TENM3: variants seen among roughly 807,000 people sequenced by gnomAD.
TENM3 encodes teneurin-3.
Under a neutral mutation model 255.1 loss-of-function variants are expected in TENM3, and 63 were observed. That is an observed-to-expected ratio of 0.25 (90% CI 0.20 to 0.30). TENM3 has a LOEUF of 0.30. Ranked by LOEUF, TENM3 falls within the 10% of genes least tolerant of loss-of-function variation. The pLI is 1.00. For missense variants in TENM3, 2,929 were observed against 3,461.1 expected, an observed-to-expected ratio of 0.85 and a Z score of 3.86; for synonymous variants, 1,306 against 1,322.3, an observed-to-expected ratio of 0.99 and a Z score of 0.27.
At chr4:182,553,302 T>C (rs1177202811) in intron 3 of TENM3, among the ~76,000 whole-genome samples, 2 of 146,516 alleles carry the variant, frequency 1.4e-5, no homozygotes, top group African/African-American at 5.1e-5. Flanking sequence ...AATTGAAATG[T>C]TCTCACTCAT....
chr4:181,513,450 A>C, the TENM3 span, among the ~76,000 whole-genome samples: 1 of 152,196 alleles, frequency 6.6e-6, no homozygotes, highest in Non-Finnish European at 1.5e-5. Context: ...CTCAGGGTTT[A>C]GCTCCATTTC....
the TENM3 span, among the ~76,000 whole-genome samples, chr4:181,620,024 G>T: frequency 6.6e-6 from 1 of 152,046 alleles, no homozygotes; most frequent in African/African-American, 2.4e-5. Flanking sequence ...ACTTTGGGAG[G>T]CCGAGGCAGG....
chr4:181,666,293 T>A, the TENM3 span, among the ~76,000 whole-genome samples: 1 of 152,282 alleles, frequency 6.6e-6, no homozygotes, highest in South Asian at 2.1e-4. Context: ...TCCAAATACA[T>A]ATGCAGTAAA....
intron 12 of TENM3, among the ~76,000 whole-genome samples, chr4:182,710,884 G>C (rs574261564): frequency 4.0e-4 from 61 of 152,282 alleles, no homozygotes; most frequent in Middle Eastern, 3.4e-3. Context: ...TGAAACAAGT[G>C]GACAGGGGCA....
At chr4:182,402,552 G>A (rs1702760359) in intron 3 of TENM3, among the ~76,000 whole-genome samples, 1 of 152,082 alleles carries the variant, frequency 6.6e-6, no homozygotes, top group South Asian at 2.1e-4. Flanking sequence ...AATCAAAGTG[G>A]ACATAATGAA....
chr4:182,269,945 G>A (rs1057266516), intron 1 of TENM3, among the ~76,000 whole-genome samples: 1 of 152,128 alleles, frequency 6.6e-6, no homozygotes, highest in African/African-American at 2.4e-5. Flanking sequence ...CACTGGTTTA[G>A]CCCAGAAAGT....
chr4:181,976,389 G>A, the TENM3 span: 6 of 152,302 alleles, frequency 3.9e-5, no homozygotes, highest in African/African-American at 1.4e-4. Context: ...AAAGTGCTGG[G>A]GTTATGGGCA....
intron 1 of TENM3, among the ~76,000 whole-genome samples, chr4:182,287,399 G>A (rs982931244): frequency 6.6e-6 from 1 of 152,138 alleles, no homozygotes; most frequent in African/African-American, 2.4e-5. Context: ...CAGAGAATGT[G>A]CATCTGCAGT....
At chr4:182,402,006 A>G (rs958563451) in intron 3 of TENM3, among the ~76,000 whole-genome samples, 11 of 152,184 alleles carry the variant, frequency 7.2e-5, no homozygotes, top group African/African-American at 2.4e-4. Flanking sequence ...CAGAATTTAC[A>G]AGTATCGACT....
Position 182,802,666 on chromosome 4 carries a change from T to C in TENM3, c.*2315T>C, listed in dbSNP as rs1383165448. On this transcript the variant is annotated 3_prime_UTR_variant, in exon 28 of 28. Coordinates refer to ENST00000511685, the MANE Select transcript of TENM3 (RefSeq NM_001080477.4). The stretch of plus-strand genomic sequence containing the variant: ...GATGAAGTCAAATCAACCCAATTAG[T>C]GTCCTGTTAGTAGGTATAATGAGCC... 1 of 152,558 alleles carries C rather than the reference T, an allele frequency of 6.6e-6. No homozygotes were observed. The highest frequency in any genetic ancestry group is 1.5e-5 in the Non-Finnish European group (1 of 68,042). The allele number at this position is 152,558 out of a possible 1,614,324, so 9.5% of individuals were successfully genotyped here. A position where few individuals can be genotyped will look rare whatever the true frequency, so the allele number is the denominator to read the frequency against.
the TENM3 span, among the ~76,000 whole-genome samples, chr4:182,130,349 A>G: frequency 6.6e-6 from 1 of 152,214 alleles, no homozygotes; most frequent in Non-Finnish European, 1.5e-5. Context: ...GAAAACTCAT[A>G]GCAGATCAAT....
In TENM3 at chr4:182,802,943, A is replaced by T. The variant is rs1767069523; in HGVS notation, c.*2592A>T. The T allele has an allele frequency of 2.0e-5, 3 of 152,662 alleles. No individual in the cohort carries two copies. Among genetic ancestry groups the T allele is most frequent in the Admixed American group, 1.3e-4 (2 of 15,284 alleles). 9.5% of individuals were successfully genotyped at this position (152,662 alleles called of 1,614,324 possible). A position where few individuals can be genotyped will look rare whatever the true frequency, so the allele number is the denominator to read the frequency against. On this transcript the variant is annotated 3_prime_UTR_variant, in exon 28 of 28. Coordinates refer to ENST00000511685, the MANE Select transcript of TENM3 (RefSeq NM_001080477.4). ...ATTGTTCTTTTCATTTGCCTTCTTA[A>T]CTTTATATGTGACCTGAATTTTCCA...
At chr4:182,354,587 TA>T (rs146906383) in intron 3 of TENM3, among the ~76,000 whole-genome samples, 14,557 of 152,232 alleles carry the variant, frequency 0.096, 946 homozygotes, top group Non-Finnish European at 0.14. Flanking sequence ...TTCTGTTTAT[TA>T]ACATTACATA....
At chr4:182,515,656 GAAGGATGAGGTTTAATGT>G (rs139606468) in intron 3 of TENM3, among the ~76,000 whole-genome samples, 6,570 of 152,200 alleles carry the variant, frequency 0.043, 155 homozygotes, top group Middle Eastern at 0.061. Flanking sequence ...TCCTTAAGCA[GAAGGATGAGGTTTAATGT>G]AAGGAGAGGA....
At chr4:181,480,801 GATAT>G in the TENM3 span, among the ~76,000 whole-genome samples, 1 of 148,298 alleles carries the variant, frequency 6.7e-6, no homozygotes, top group Non-Finnish European at 1.5e-5. Flanking sequence ...TAGATGTATT[GATAT>G]ATATATAATA....
the TENM3 span, among the ~76,000 whole-genome samples, chr4:181,710,507 A>G: frequency 6.6e-6 from 1 of 151,824 alleles, no homozygotes; most frequent in Non-Finnish European, 1.5e-5. Flanking sequence ...CACAAGGTCA[A>G]GAGATCAAGA....
chr4:181,605,722 T>C, the TENM3 span, among the ~76,000 whole-genome samples: 3 of 152,162 alleles, frequency 2.0e-5, no homozygotes, highest in African/African-American at 7.2e-5. Context: ...AGAAAAGTAC[T>C]AGAATAGAAT....
At chr4:182,717,861 C>T (rs1270724209) in intron 13 of TENM3, among the ~76,000 whole-genome samples, 1 of 152,174 alleles carries the variant, frequency 6.6e-6, no homozygotes, top group Non-Finnish European at 1.5e-5. Flanking sequence ...TATCCCAAAA[C>T]ACTGTGATCA....
chr4:181,575,966 T>C, the TENM3 span, among the ~76,000 whole-genome samples: 3 of 152,148 alleles, frequency 2.0e-5, no homozygotes, highest in Non-Finnish European at 2.9e-5. Flanking sequence ...TTAGGTTTTT[T>C]GTATAAATTC....
Sources: allele counts gnomAD v4.1 joint callset (sites outside exome capture counted in the v4.1 genomes callset), GRCh38; gene constraint gnomAD v4.1.1; transcripts MANE v1.5; gene names NCBI Gene and HGNC (gene_info 2026-07-23, HGNC 2026-07-21).